The following MLLT3 variants were observed in gnomAD, a reference collection of about 807,000 sequenced individuals.
The protein encoded by MLLT3 is MLLT3 super elongation complex subunit.
A neutral mutation model predicts 53.2 loss-of-function variants in MLLT3; 4 were observed. That is an observed-to-expected ratio of 0.08 (90% CI 0.04 to 0.17). The LOEUF (loss-of-function observed/expected upper bound fraction) is 0.17, where lower values mean the gene tolerates loss of function less well. Ranked by LOEUF, MLLT3 falls within the 10% of genes least tolerant of loss-of-function variation. MLLT3 has a pLI of 1.00. For synonymous variants in MLLT3, 283 were observed against 230.6 expected, an observed-to-expected ratio of 1.23 and a Z score of -2.06; for missense variants, 569 against 684.0, an observed-to-expected ratio of 0.83 and a Z score of 1.87.
rs761927703 is a variant in MLLT3 at position 20,620,186 on chromosome 9, C to T, written c.193+468G>A. ...CTAAAGAGAACCGACTTGCCAAGAC[C>T]GAACAATAACTACATCCAATACATT... On this transcript the variant is annotated intron_variant, in intron 2 of 10. Transcript: ENST00000380338. This position sits in a 1 kb window ranked among gnomAD's most constrained non-coding sequence, Gnocchi z 6.1. Among the ~76,000 whole-genome samples, 2 of 150,468 alleles carry T rather than the reference C, an allele frequency of 1.3e-5. No individual in the cohort carries two copies. The highest frequency in any genetic ancestry group is 3.0e-5 in the Non-Finnish European group (2 of 67,646).
At chr9:20,604,071 T>C (rs1178362845) in intron 2 of MLLT3, among the ~76,000 whole-genome samples, 1 of 152,096 alleles carries the variant, frequency 6.6e-6, no homozygotes, top group East Asian at 1.9e-4. Flanking sequence ...CACACTGATT[T>C]AATCACGTAG....
At chr9:20,551,251 G>A (rs779616272) in intron 2 of MLLT3, among the ~76,000 whole-genome samples, 12 of 152,290 alleles carry the variant, frequency 7.9e-5, no homozygotes, top group Non-Finnish European at 1.5e-4. Flanking sequence ...AACATACCTG[G>A]TTTAATTTCT....
Position 20,414,152 on chromosome 9 carries a change from A to C in MLLT3, c.694T>G (p.Ser232Ala). 6.2e-7 allele frequency: 1 copy of C among 1,614,060 alleles called. No individual in the cohort carries two copies. The highest frequency in any genetic ancestry group is 8.5e-7 in the Non-Finnish European group (1 of 1,179,974). ...TTATTTTCTTTGGGTTTCTTAGAGG[A>C]TTCTTTGGAAGATTTGTTGTGATCC... is the stretch of plus-strand genomic sequence containing the variant. ...SRDHNKSSKE[S>A]SKKPKENKPL... Residue 232 changes from serine (S) to alanine (A), a missense_variant, in exon 5 of 11, where the codon TCC (serine) becomes GCC (alanine). Transcript: ENST00000380338.
At chr9:20,413,161 CA>C (rs1488607849) in intron 5 of MLLT3, among the ~76,000 whole-genome samples, 61 of 152,068 alleles carry the variant, frequency 4.0e-4, no homozygotes, top group Admixed American at 3.8e-3. Flanking sequence ...CAGGTATACA[CA>C]AATGTTAAAA....
At chr9:20,516,409 A>G (rs1172780101) in intron 2 of MLLT3, among the ~76,000 whole-genome samples, 1 of 152,234 alleles carries the variant, frequency 6.6e-6, no homozygotes, top group Non-Finnish European at 1.5e-5. Context: ...GAGCTTCTAC[A>G]GTCTTACTAC....
At chr9:20,563,695 G>A (rs1364639650) in intron 2 of MLLT3, among the ~76,000 whole-genome samples, 1 of 152,074 alleles carries the variant, frequency 6.6e-6, no homozygotes, top group Non-Finnish European at 1.5e-5. Context: ...TTCAGTGAAG[G>A]CCTTGTCTAT....
chr9:20,349,346 G>A (rs1469984536), intron 10 of MLLT3, among the ~76,000 whole-genome samples: 1 of 152,034 alleles, frequency 6.6e-6, no homozygotes, highest in Non-Finnish European at 1.5e-5. Context: ...ACCTAAGTCA[G>A]GATAACATGA....
At chr9:20,592,998 T>G (rs143356522) in intron 2 of MLLT3, among the ~76,000 whole-genome samples, 24 of 152,332 alleles carry the variant, frequency 1.6e-4, no homozygotes, top group Non-Finnish European at 2.6e-4. Context: ...TTCCAACACT[T>G]GCTACCAAAG....
intron 8 of MLLT3, among the ~76,000 whole-genome samples, chr9:20,358,277 G>T (rs942140078): frequency 2.0e-5 from 3 of 152,078 alleles, no homozygotes; most frequent in Non-Finnish European, 2.9e-5. Context: ...CTCTAAGAAG[G>T]TAAGCCCTCC....
chr9:20,413,398 A>G (rs1201506779), intron 5 of MLLT3, among the ~76,000 whole-genome samples: 1 of 152,196 alleles, frequency 6.6e-6, no homozygotes, highest in Non-Finnish European at 1.5e-5. Context: ...CACTTTCCTA[A>G]GTCATCACTC....
chr9:20,369,172 C>T (rs1821529892), intron 5 of MLLT3, among the ~76,000 whole-genome samples: 1 of 152,088 alleles, frequency 6.6e-6, no homozygotes, highest in African/African-American at 2.4e-5. Context: ...TGATCGAGGA[C>T]CCAGAGACCG....
intron 2 of MLLT3, among the ~76,000 whole-genome samples, chr9:20,576,559 G>A (rs1291518434): frequency 6.6e-6 from 1 of 152,060 alleles, no homozygotes; most frequent in Non-Finnish European, 1.5e-5. Context: ...AGGAGAGGAG[G>A]AGAGATGAGA....
At chr9:20,392,324 C>T (rs1299129121) in intron 5 of MLLT3, among the ~76,000 whole-genome samples, 1 of 152,096 alleles carries the variant, frequency 6.6e-6, no homozygotes, top group African/African-American at 2.4e-5. Flanking sequence ...AATGTGACAC[C>T]AAACATAAGG....
At chr9:20,513,567 G>A (rs1352544666) in intron 2 of MLLT3, among the ~76,000 whole-genome samples, 2 of 152,196 alleles carry the variant, frequency 1.3e-5, no homozygotes, top group African/African-American at 2.4e-5. Flanking sequence ...TCTAGTTGGT[G>A]GGTTTAGAGC....
chr9:20,417,722 A>G (rs1822906986), intron 4 of MLLT3, among the ~76,000 whole-genome samples: 2 of 152,182 alleles, frequency 1.3e-5, no homozygotes, highest in African/African-American at 4.8e-5. Context: ...ATCTATTCAG[A>G]TTGCACTGAA....
intron 2 of MLLT3, among the ~76,000 whole-genome samples, chr9:20,491,700 G>A (rs957229370): frequency 6.6e-6 from 1 of 152,062 alleles, no homozygotes; most frequent in African/African-American, 2.4e-5. Flanking sequence ...GTGTCAAAAA[G>A]TACAAATGGG....
intron 2 of MLLT3, among the ~76,000 whole-genome samples, chr9:20,537,950 C>T (rs1444968331): frequency 6.6e-6 from 1 of 152,122 alleles, no homozygotes; most frequent in Non-Finnish European, 1.5e-5. Context: ...TGATAAACTA[C>T]ATGGCAGACT....
chr9:20,344,370 C>T lies in MLLT3; in HGVS notation c.*2073G>A, dbSNP rs1260329572. The T allele has an allele frequency of 4.9e-6, 1 of 204,448 alleles. No homozygotes were observed. Among genetic ancestry groups the T allele is most frequent in the Non-Finnish European group, 1.0e-5 (1 of 99,776 alleles). The allele number at this position is 204,448 out of a possible 1,614,324, so 12.7% of individuals were successfully genotyped here. A position where few individuals can be genotyped will look rare whatever the true frequency, so the allele number is the denominator to read the frequency against. On this transcript the variant is annotated 3_prime_UTR_variant, in exon 11 of 11. Transcript: ENST00000380338. The stretch of plus-strand genomic sequence containing the variant: ...CTGGCTTGATCAGAATATGTGTTAG[C>T]AGTTAGAAATTTTAAAATATTTTAA...
chr9:20,446,963 A>G (rs1377010942), intron 4 of MLLT3, among the ~76,000 whole-genome samples: 1 of 152,204 alleles, frequency 6.6e-6, no homozygotes, highest in Non-Finnish European at 1.5e-5. Flanking sequence ...ATGATAAGGA[A>G]TGAAATATGG....
Sources: allele counts gnomAD v4.1 joint callset (sites outside exome capture counted in the v4.1 genomes callset), GRCh38; gene constraint gnomAD v4.1.1; non-coding constraint Gnocchi (gnomAD v3.1); transcripts MANE v1.5; gene names NCBI Gene and HGNC (gene_info 2026-07-23, HGNC 2026-07-21).